DOCK11: variants seen among roughly 807,000 people sequenced by gnomAD.
The protein encoded by DOCK11 is dedicator of cytokinesis protein 11.
Under a neutral mutation model 169.1 loss-of-function variants are expected in DOCK11, and 70 were observed. The ratio of observed to expected loss-of-function variants is 0.41; its 90% CI spans 0.34 to 0.51. The LOEUF (loss-of-function observed/expected upper bound fraction) is 0.51, where lower values mean the gene tolerates loss of function less well. Among genes scored for constraint, DOCK11 ranks in the 20% least tolerant of loss-of-function variants. The pLI is 0.10. For synonymous variants in DOCK11, 529 were observed against 541.3 expected (o/e 0.98, Z 0.32); for missense variants, 1,166 against 1,538.8 (o/e 0.76, Z 4.05).
intron 44 of DOCK11, among the ~76,000 whole-genome samples, chrX:118,661,209 CAAA>C (rs752353678): frequency 1.9e-4 from 13 of 68,542 alleles, no homozygotes; most frequent in Admixed American, 1.7e-4. Context: ...ACTCTGTCTC[CAAA>C]AAAAAAAAAA....
chrX:118,496,209 C>G, intron 1 of DOCK11, 136 bp downstream of exon 1: 1 of 366,974 alleles, frequency 2.7e-6, no homozygotes, highest in Non-Finnish European at 3.9e-6. Flanking sequence ...AGTTTTCGCA[C>G]CGGCAGCCGC....
At chrX:118,666,611 T>G (rs1487265895) in intron 45 of DOCK11, among the ~76,000 whole-genome samples, 2 of 112,383 alleles carry the variant, frequency 1.8e-5, no homozygotes, top group Non-Finnish European at 3.8e-5. Flanking sequence ...TTTAAATCCA[T>G]TCAGTTGATG....
chrX:118,499,395 T>C (rs1479366386), intron 1 of DOCK11, among the ~76,000 whole-genome samples: 2 of 111,385 alleles, frequency 1.8e-5, no homozygotes, highest in East Asian at 2.8e-4. Flanking sequence ...TTGTAGCCCC[T>C]GGACGCGCCG....
intron 7 of DOCK11, among the ~76,000 whole-genome samples, chrX:118,563,135 G>A (rs1421128779): frequency 8.9e-6 from 1 of 112,169 alleles, no homozygotes; most frequent in Non-Finnish European, 1.9e-5. Context: ...CCAGGGTGGT[G>A]TGGTGGACTA....
chrX:118,607,671 A>G (rs1351456979), intron 24 of DOCK11, among the ~76,000 whole-genome samples: 1 of 110,966 alleles, frequency 9.0e-6, no homozygotes, highest in East Asian at 2.8e-4. Context: ...TGGCCTCCCA[A>G]AGTGCTGGGA....
intron 14 of DOCK11, among the ~76,000 whole-genome samples, chrX:118,581,838 A>AAAT (rs2013650755): frequency 1.1e-5 from 1 of 93,036 alleles, no homozygotes; most frequent in African/African-American, 4.0e-5. Flanking sequence ...AAAAAAAAAA[A>AAAT]AATTGGTTAT....
intron 45 of DOCK11, among the ~76,000 whole-genome samples, chrX:118,664,341 A>G (rs935592549): frequency 9.9e-5 from 11 of 111,577 alleles, no homozygotes; most frequent in Non-Finnish European, 2.1e-4. Context: ...CAAAATGGAA[A>G]TAACCATCAA....
At chrX:118,621,791 G>T (rs1332180593) in intron 31 of DOCK11, among the ~76,000 whole-genome samples, 1 of 111,108 alleles carries the variant, frequency 9.0e-6, no homozygotes. Flanking sequence ...GCACTGCTAT[G>T]CCTGGCTAAT....
intron 27 of DOCK11, 32 bp downstream of exon 27, chrX:118,609,381 A>G (rs1238110950): frequency 9.8e-7 from 1 of 1,021,921 alleles, no homozygotes; most frequent in Non-Finnish European, 1.3e-6. Context: ...ATAACTTTCA[A>G]TTGGCAAATG....
At chrX:118,509,828 C>T (rs1276657428) in intron 1 of DOCK11, among the ~76,000 whole-genome samples, 1 of 112,255 alleles carries the variant, frequency 8.9e-6, no homozygotes, top group Non-Finnish European at 1.9e-5. Flanking sequence ...GGGGAGGATC[C>T]ATTGCCTGGT....
chrX:118,630,507 T>C lies in DOCK11; in HGVS notation c.3886+17T>C. 1.9e-6 allele frequency: 2 copies of C among 1,068,776 alleles called. No individual in the cohort carries two copies. The highest frequency in any genetic ancestry group is 1.9e-5 in the South Asian group (1 of 52,824). 88.1% of individuals were successfully genotyped at this position (1,068,776 alleles called of 1,213,427 possible). A position where few individuals can be genotyped will look rare whatever the true frequency, so the allele number is the denominator to read the frequency against. ...TTTCAGAAGGTGAGTTACCATCATA[T>C]TAAGCATGGACTGTACTAGACATAC... On this transcript the variant is annotated intron_variant, in intron 35 of 52. Coordinates refer to ENST00000276202, the MANE Select transcript of DOCK11 (RefSeq NM_144658.4).
At chrX:118,626,719 G>C (rs1364466370) in intron 32 of DOCK11, among the ~76,000 whole-genome samples, 1 of 112,130 alleles carries the variant, frequency 8.9e-6, no homozygotes, top group Non-Finnish European at 1.9e-5. Context: ...ATGTCAACTG[G>C]CTGAATGTGG....
intron 1 of DOCK11, among the ~76,000 whole-genome samples, chrX:118,535,016 C>A (rs1388625442): frequency 1.8e-5 from 2 of 111,959 alleles, no homozygotes; most frequent in Non-Finnish European, 3.8e-5. Flanking sequence ...GATCCTTATC[C>A]AATTACATTA....
At chrX:118,549,401 C>T (rs1168651477) in intron 6 of DOCK11, among the ~76,000 whole-genome samples, 1 of 110,661 alleles carries the variant, frequency 9.0e-6, no homozygotes, top group African/African-American at 3.3e-5. Context: ...ACCTCAGCCT[C>T]CCAAAGTGCT....
At chrX:118,684,889 A>G (rs1189210480) in intron 52 of DOCK11, among the ~76,000 whole-genome samples, 2 of 111,879 alleles carry the variant, frequency 1.8e-5, no homozygotes, top group Non-Finnish European at 3.8e-5. Flanking sequence ...CTATAGATCA[A>G]TCTGTGGGCT....
chrX:118,545,457 G>A (rs1603049304), intron 5 of DOCK11, 65 bp downstream of exon 5: 1 of 794,086 alleles, frequency 1.3e-6, no homozygotes, highest in Admixed American at 3.5e-5. Flanking sequence ...TGCTGAAAAA[G>A]ATTTCAAAGG....
At chrX:118,533,540 C>T (rs2011654250) in intron 1 of DOCK11, among the ~76,000 whole-genome samples, 1 of 111,800 alleles carries the variant, frequency 8.9e-6, no homozygotes, top group Non-Finnish European at 1.9e-5. Context: ...ATTGCCAGAT[C>T]CAGTGTGGAA....
chrX:118,586,357 G>T (rs1000113199), intron 16 of DOCK11, among the ~76,000 whole-genome samples: 6 of 111,273 alleles, frequency 5.4e-5, no homozygotes, highest in African/African-American at 2.0e-4. Context: ...TAAAATCGTG[G>T]CAGAAGGGGA....
At position 118,580,213 on chromosome X, in the gene DOCK11, G is replaced by A. The variant is rs774368396; in HGVS notation, c.1595+34G>A. On this transcript the variant is annotated intron_variant, in intron 14 of 52. Coordinates refer to ENST00000276202, the MANE Select transcript of DOCK11 (RefSeq NM_144658.4). Reference sequence around the variant, plus strand: ...AAATATAATCCTGACCCGCTCACTCGTGTTCATATGTGAAGTTAAGGGCTG... The same window carrying A: ...AAATATAATCCTGACCCGCTCACTCATGTTCATATGTGAAGTTAAGGGCTG... The A allele has an allele frequency of 3.8e-5, 42 of 1,117,276 alleles. No individual in the cohort carries two copies. In the Admixed American group the frequency reaches 5.2e-4, roughly 14 times the overall value. 92.1% of individuals were successfully genotyped at this position (1,117,276 alleles called of 1,213,427 possible).
Sources: gnomAD v4.1 joint callset for allele counts (sites outside exome capture counted in the v4.1 genomes callset) on GRCh38, gnomAD v4.1.1 for gene constraint, MANE v1.5 for transcripts, NCBI Gene and HGNC (gene_info 2026-07-23, HGNC 2026-07-21) for gene names.